Variants in SUGCT observed in about 807,000 individuals in gnomAD.
The protein encoded by SUGCT is succinyl-CoA:glutarate-CoA transferase.
In SUGCT, 41 loss-of-function variants were observed where a neutral mutation model predicts 55.0. That is an observed-to-expected ratio of 0.74 (90% CI 0.58 to 0.97). SUGCT has a LOEUF of 0.97. Among genes scored for constraint, SUGCT ranks in the 50% least tolerant of loss-of-function variants. The pLI is 0.00. For synonymous variants in SUGCT, 187 were observed against 200.4 expected (o/e 0.93, Z 0.56); for missense variants, 568 against 547.8 (o/e 1.04, Z -0.37).
At chr7:40,718,023 A>G (rs1201146680) in intron 12 of SUGCT, among the ~76,000 whole-genome samples, 1 of 152,220 alleles carries the variant, frequency 6.6e-6, no homozygotes, top group East Asian at 1.9e-4. Context: ...TATGTCTTTA[A>G]TAAACTGATA....
intron 12 of SUGCT, among the ~76,000 whole-genome samples, chr7:40,724,502 G>T (rs1786513415): frequency 6.6e-6 from 1 of 151,838 alleles, no homozygotes. Flanking sequence ...GGCGGAGCTT[G>T]CAGTGAGCCA....
the SUGCT span, among the ~76,000 whole-genome samples, chr7:40,999,729 C>T: frequency 6.6e-6 from 1 of 152,156 alleles, no homozygotes; most frequent in Non-Finnish European, 1.5e-5. Context: ...AGCAAGGCCT[C>T]CAGTAGCAGG....
At chr7:40,854,717 C>T (rs1046919750) in intron 13 of SUGCT, among the ~76,000 whole-genome samples, 9 of 151,888 alleles carry the variant, frequency 5.9e-5, no homozygotes, top group African/African-American at 9.7e-5. Flanking sequence ...TGAGGTAGGA[C>T]GATGAGGCCA....
chr7:40,915,372 A>T, the SUGCT span, among the ~76,000 whole-genome samples: 3 of 152,192 alleles, frequency 2.0e-5, no homozygotes, highest in African/African-American at 7.2e-5. Context: ...GGAGTTCAGT[A>T]TATGAAACTA....
At chr7:40,749,813 A>C (rs1403272587) in intron 13 of SUGCT, among the ~76,000 whole-genome samples, 1 of 152,136 alleles carries the variant, frequency 6.6e-6, no homozygotes, top group African/African-American at 2.4e-5. Context: ...AGTAATAGGT[A>C]TGGCCAATAA....
chr7:40,892,658 C>G, the SUGCT span, among the ~76,000 whole-genome samples: 4 of 152,102 alleles, frequency 2.6e-5, no homozygotes, highest in African/African-American at 4.8e-5. Flanking sequence ...CTCAGCCTCT[C>G]AAGTAGCTAA....
chr7:40,409,529 G>A (rs554686842), intron 9 of SUGCT, among the ~76,000 whole-genome samples: 70 of 152,170 alleles, frequency 4.6e-4, no homozygotes, highest in African/African-American at 1.6e-3. Flanking sequence ...CGAAGTGCTG[G>A]GATTACAGGT....
intron 13 of SUGCT, among the ~76,000 whole-genome samples, chr7:40,766,520 T>A (rs1388204350): frequency 2.6e-5 from 4 of 152,236 alleles, no homozygotes; most frequent in Non-Finnish European, 5.9e-5. Context: ...TGTCATTTTT[T>A]CTTTGTTCCT....
intron 7 of SUGCT, among the ~76,000 whole-genome samples, chr7:40,274,073 C>CCTT (rs773105420): frequency 7.4e-5 from 5 of 68,016 alleles, no homozygotes; most frequent in Non-Finnish European, 1.0e-4. Context: ...TTTTTACCTT[C>CCTT]TTTTTTTTTT....
rs928397687 is a variant in SUGCT at position 40,195,708 on chromosome 7, C to CTTTTTTTT, written c.484+665_484+672dup. The stretch of plus-strand genomic sequence containing the variant: ...GGTGAATTTACAGTTGAAAACAATT[C>CTTTTTTTT]TTTTTTTTTTTTTTTTTTTTTTTTG... On this transcript the variant is annotated intron_variant, in intron 6 of 13. Coordinates refer to ENST00000335693, the MANE Select transcript of SUGCT (RefSeq NM_001193313.2). Among the ~76,000 whole-genome samples, 51 of 69,416 alleles carry CTTTTTTTT rather than the reference C, an allele frequency of 7.3e-4. 2 individuals are homozygous for CTTTTTTTT. The highest frequency in any genetic ancestry group is 9.9e-4 in the Non-Finnish European group (39 of 39,580). 45.5% of individuals were successfully genotyped at this position (69,416 alleles called of 152,430 possible).
At chr7:40,175,957 G>A (rs1285288451) in intron 1 of SUGCT, among the ~76,000 whole-genome samples, 1 of 151,974 alleles carries the variant, frequency 6.6e-6, no homozygotes, top group East Asian at 1.9e-4. Flanking sequence ...GCTGGGCGTG[G>A]TGGCTGGCTC....
At chr7:40,193,356 G>C (rs1786041777) in intron 5 of SUGCT, among the ~76,000 whole-genome samples, 1 of 134,566 alleles carries the variant, frequency 7.4e-6, no homozygotes, top group Admixed American at 8.8e-5. Context: ...CACGATCTTG[G>C]CTCACTGCAC....
At chr7:40,995,879 C>T in the SUGCT span, among the ~76,000 whole-genome samples, 12 of 152,084 alleles carry the variant, frequency 7.9e-5, no homozygotes, top group African/African-American at 2.7e-4. Flanking sequence ...ATATTTCTCT[C>T]CAGGTCATTT....
At chr7:40,430,298 T>G (rs1787826123) in intron 9 of SUGCT, among the ~76,000 whole-genome samples, 1 of 152,194 alleles carries the variant, frequency 6.6e-6, no homozygotes, top group Admixed American at 6.5e-5. Context: ...TATACAAGAG[T>G]TCTCCTTTCT....
chr7:40,168,924 G>A lies in SUGCT; in HGVS notation c.101-12023G>A, dbSNP rs73312965. On this transcript the variant is annotated intron_variant, in intron 1 of 13. Coordinates refer to ENST00000335693, the MANE Select transcript of SUGCT (RefSeq NM_001193313.2). ...CTTTTGGCTTCGGTATCTGCTTGGT[G>A]GTTCCCTTCTATTTCCCTTTTCTTT... Among the ~76,000 whole-genome samples, 793 of 152,166 alleles carry A rather than the reference G, an allele frequency of 5.2e-3. 10 individuals carry two copies. Among genetic ancestry groups the A allele is most frequent in the African/African-American group, 0.018 (745 of 41,522 alleles).
At chr7:40,266,755 G>A (rs764610648) in intron 7 of SUGCT, among the ~76,000 whole-genome samples, 1 of 152,034 alleles carries the variant, frequency 6.6e-6, no homozygotes, top group African/African-American at 2.4e-5. Flanking sequence ...GATGGCTCAC[G>A]CCTATAATCC....
chr7:40,311,313 C>T (rs890495398), intron 8 of SUGCT, among the ~76,000 whole-genome samples: 1 of 152,192 alleles, frequency 6.6e-6, no homozygotes, highest in Non-Finnish European at 1.5e-5. Context: ...TTTACAATAT[C>T]CCTAACAGTC....
intron 10 of SUGCT, among the ~76,000 whole-genome samples, chr7:40,452,608 T>C (rs1789251319): frequency 6.6e-6 from 1 of 152,222 alleles, no homozygotes; most frequent in Non-Finnish European, 1.5e-5. Flanking sequence ...AGGTGAACTC[T>C]GTCACGGTCC....
chr7:40,991,567 A>C, the SUGCT span, among the ~76,000 whole-genome samples: 1 of 152,176 alleles, frequency 6.6e-6, no homozygotes, highest in Non-Finnish European at 1.5e-5. Flanking sequence ...AATGAAGCAC[A>C]ATAAAGTGAA....
Sources: allele counts gnomAD v4.1 joint callset (sites outside exome capture counted in the v4.1 genomes callset), GRCh38; gene constraint gnomAD v4.1.1; transcripts MANE v1.5; gene names NCBI Gene and HGNC (gene_info 2026-07-23, HGNC 2026-07-21).